The following DYNC1I2 variants were observed in gnomAD, a reference collection of about 807,000 sequenced individuals.
The protein encoded by DYNC1I2 is dynein cytoplasmic 1 intermediate chain 2.
A neutral mutation model predicts 88.6 loss-of-function variants in DYNC1I2; 53 were observed. The ratio of observed to expected loss-of-function variants is 0.60; its 90% CI spans 0.48 to 0.75. The LOEUF (loss-of-function observed/expected upper bound fraction) is 0.75, where lower values mean the gene tolerates loss of function less well. DYNC1I2 is among the 30% of genes least tolerant of loss of function. The probability of loss-of-function intolerance (pLI) is 0.00; values close to 1 mark genes in which losing one functional copy is unlikely to be tolerated. For missense variants in DYNC1I2, 458 were observed against 766.6 expected (o/e 0.60, Z 4.75); for synonymous variants, 198 against 254.6 (o/e 0.78, Z 2.12).
intron 15 of DYNC1I2, among the ~76,000 whole-genome samples, chr2:171,741,835 A>G (rs1007510945): frequency 7.9e-5 from 12 of 152,212 alleles, no homozygotes; most frequent in African/African-American, 2.9e-4. Context: ...TAATCCTAGC[A>G]CTTTGGGAGG....
intron 15 of DYNC1I2, among the ~76,000 whole-genome samples, chr2:171,740,986 C>T (rs1689384365): frequency 6.6e-6 from 1 of 152,154 alleles, no homozygotes; most frequent in South Asian, 2.1e-4. Flanking sequence ...CTCCTGGAAA[C>T]CACTAATCAA....
intron 1 of DYNC1I2, chr2:171,688,403 C>T (rs563456624): frequency 6.6e-6 from 1 of 152,244 alleles, no homozygotes; most frequent in South Asian, 2.1e-4. Flanking sequence ...CTGGTCAAGA[C>T]TTTGTTGTTG....
In DYNC1I2 at chr2:171,747,876, G is replaced by A. The variant is rs759983834; in HGVS notation, c.1904G>A (p.Arg635Gln). The change falls in exon 18 of 18, where the codon CGA becomes CAA. Residue 635 changes from arginine (R) to glutamine (Q), a missense_variant. Physicochemically the swap from Arg to Gln is conservative, Grantham distance 43. This residue lies in a region of DYNC1I2 where 188 missense variants were observed against 300.4 expected (regional missense o/e 0.63). Coordinates refer to ENST00000397119, the MANE Select transcript of DYNC1I2 (RefSeq NM_001378.3). ...RADAEEEAAT[R>Q]IPA Reference sequence around the variant, plus strand: ...GATGCAGAGGAGGAAGCAGCTACCCGAATACCTGCTTAGTTCCTGAAAAGG... The same window carrying A: ...GATGCAGAGGAGGAAGCAGCTACCCAAATACCTGCTTAGTTCCTGAAAAGG... 129 of 1,609,110 alleles carry A rather than the reference G, an allele frequency of 8.0e-5. No homozygotes were observed. The highest frequency in any genetic ancestry group is 1.0e-4 in the Non-Finnish European group (118 of 1,177,910).
chr2:171,711,082 T>C (rs1394185377), intron 5 of DYNC1I2, among the ~76,000 whole-genome samples: 1 of 146,990 alleles, frequency 6.8e-6, no homozygotes, highest in Non-Finnish European at 1.5e-5. Flanking sequence ...AGTGTTCTCA[T>C]TGTTCAATTC....
At chr2:171,695,036 C>G (rs1051590169) in intron 3 of DYNC1I2, among the ~76,000 whole-genome samples, 2 of 152,068 alleles carry the variant, frequency 1.3e-5, no homozygotes, top group Non-Finnish European at 2.9e-5. Flanking sequence ...TCTCTAATTC[C>G]ATTCTCATTC....
chr2:171,704,228 A>G (rs1203599706), intron 3 of DYNC1I2, among the ~76,000 whole-genome samples: 2 of 152,132 alleles, frequency 1.3e-5, no homozygotes, highest in African/African-American at 4.8e-5. Flanking sequence ...GACAAGGTCT[A>G]AGCTGGTAGG....
At chr2:171,718,389 A>G (rs770385524) in intron 7 of DYNC1I2, among the ~76,000 whole-genome samples, 2 of 152,218 alleles carry the variant, frequency 1.3e-5, no homozygotes, top group Non-Finnish European at 2.9e-5. Flanking sequence ...ACTGCTGTGT[A>G]CAACCCATTG....
intron 1 of DYNC1I2, chr2:171,688,503 T>C (rs1427452088): frequency 6.6e-6 from 1 of 152,238 alleles, no homozygotes; most frequent in Non-Finnish European, 1.5e-5. Context: ...GTGCCTAGCG[T>C]AGCATACAGT....
chr2:171,744,493 A>G (rs932141251), intron 16 of DYNC1I2, among the ~76,000 whole-genome samples: 4 of 152,350 alleles, frequency 2.6e-5, no homozygotes, highest in Admixed American at 2.0e-4. Flanking sequence ...TTCATTCATA[A>G]GCTAGAAAGC....
At position 171,692,347 on chromosome 2, in the gene DYNC1I2, C is replaced by T. The variant is rs542897913; in HGVS notation, c.109-430C>T. Among the ~76,000 whole-genome samples, 10 of 152,244 alleles carry T rather than the reference C, an allele frequency of 6.6e-5. 1 individual carries two copies. The South Asian group carries it at 2.1e-3, about 32-fold the overall frequency. On this transcript the variant is annotated intron_variant, in intron 2 of 17. Transcript: ENST00000397119. ...ACTCTTTTTCAACAAATCATATTGT[C>T]ATTCACTTAAAATTTGTTACCTCTT... is the stretch of plus-strand genomic sequence containing the variant.
chr2:171,726,714 TA>T, intron 10 of DYNC1I2, 76 bp from the exon 11 acceptor site: 2 of 1,545,806 alleles, frequency 1.3e-6, no homozygotes, highest in Non-Finnish European at 1.8e-6. Context: ...AATAATCTGA[TA>T]AAGACAAATA....
chr2:171,704,435 T>C (rs567595955), intron 3 of DYNC1I2, among the ~76,000 whole-genome samples: 5 of 152,196 alleles, frequency 3.3e-5, no homozygotes, highest in African/African-American at 1.2e-4. Context: ...ATTAACATAT[T>C]CACCTATGTT....
intron 1 of DYNC1I2, among the ~76,000 whole-genome samples, chr2:171,688,804 A>G (rs1685166936): frequency 6.6e-6 from 1 of 152,124 alleles, no homozygotes; most frequent in African/African-American, 2.4e-5. Context: ...AGATTTAACA[A>G]TTGTGCTTTT....
At chr2:171,726,325 T>C in intron 10 of DYNC1I2, 32 bp downstream of exon 10, 1 of 1,445,608 alleles carries the variant, frequency 6.9e-7, no homozygotes, top group South Asian at 1.3e-5. Context: ...CGCTCTTAAC[T>C]CATTTTTAAA....
Position 171,748,640 on chromosome 2 carries a change from T to C in DYNC1I2, c.*751T>C, listed in dbSNP as rs1460862612. 6.6e-6 allele frequency among the ~76,000 whole-genome samples: 1 copy of C among 152,216 alleles called. No homozygotes were observed. Among genetic ancestry groups the C allele is most frequent in the East Asian group, 1.9e-4 (1 of 5,200 alleles). ...AAAAAATTTCCCCTAGGTTAACTTT[T>C]GCTTTACTACTTTATATTCTTTCCA... On this transcript the variant is annotated 3_prime_UTR_variant, in exon 18 of 18. Coordinates refer to ENST00000397119, the MANE Select transcript of DYNC1I2 (RefSeq NM_001378.3).
At chr2:171,719,770 C>T (rs1252377373) in intron 7 of DYNC1I2, among the ~76,000 whole-genome samples, 1 of 152,176 alleles carries the variant, frequency 6.6e-6, no homozygotes, top group Non-Finnish European at 1.5e-5. Context: ...CACCTTCTTG[C>T]TTTCCAGTTT....
chr2:171,710,201 T>C (rs1394635609), intron 5 of DYNC1I2, among the ~76,000 whole-genome samples: 1 of 151,230 alleles, frequency 6.6e-6, no homozygotes, highest in East Asian at 2.0e-4. Context: ...CTAAATCATA[T>C]CCAGCTTTCA....
chr2:171,692,828 G>GAA lies in DYNC1I2; in HGVS notation c.168_169dup (p.Arg57LysfsTer14). On this transcript the variant is annotated frameshift_variant, in exon 3 of 18. Transcript: ENST00000397119. LOFTEE classifies it high-confidence loss of function. ...TCCTGTGCAAGAAGAATCAGATCTT[G>GAA]AAAAAAAAAGGAGAGAAGCTGAAGC... 3 of 1,581,652 alleles carry GAA rather than the reference G, an allele frequency of 1.9e-6. No homozygotes were observed. Among genetic ancestry groups the GAA allele is most frequent in the Admixed American group, 1.7e-5 (1 of 58,150 alleles).
intron 16 of DYNC1I2, among the ~76,000 whole-genome samples, chr2:171,744,841 A>G (rs926126359): frequency 1.3e-5 from 2 of 152,184 alleles, no homozygotes; most frequent in African/African-American, 4.8e-5. Flanking sequence ...ATTCTATTCT[A>G]TATTGCTATT....
Sources: gnomAD v4.1 joint callset for allele counts (sites outside exome capture counted in the v4.1 genomes callset) on GRCh38, gnomAD v4.1.1 for gene constraint, gnomAD v4.1.1 regional missense constraint, MANE v1.5 for transcripts, NCBI Gene and HGNC (gene_info 2026-07-23, HGNC 2026-07-21) for gene names.